Variants in ABCA12 observed in about 807,000 individuals in gnomAD.
The protein encoded by ABCA12 is ATP binding cassette subfamily A member 12.
A neutral mutation model predicts 293.5 loss-of-function variants in ABCA12; 156 were observed. The ratio of observed to expected loss-of-function variants is 0.53; its 90% CI spans 0.47 to 0.61. The LOEUF is 0.61. ABCA12 is among the 20% of genes least tolerant of loss of function. ABCA12 has a pLI of 0.00. For missense variants in ABCA12, 2,797 were observed against 3,090.2 expected (o/e 0.91, Z 2.25); for synonymous variants, 1,063 against 1,108.0 (o/e 0.96, Z 0.81).
chr2:215,047,032 C>G (rs1201969264), intron 6 of ABCA12, among the ~76,000 whole-genome samples: 1 of 152,124 alleles, frequency 6.6e-6, no homozygotes, highest in East Asian at 1.9e-4. Flanking sequence ...AATGAGAACA[C>G]ATGGACACAC....
At chr2:214,935,285 T>G (rs1005900391) in intron 51 of ABCA12, among the ~76,000 whole-genome samples, 1 of 152,142 alleles carries the variant, frequency 6.6e-6, no homozygotes, top group African/African-American at 2.4e-5. Flanking sequence ...AAATCAGACT[T>G]TTTATTATCA....
intron 2 of ABCA12, among the ~76,000 whole-genome samples, chr2:215,074,547 CTG>C (rs1701797788): frequency 6.6e-6 from 1 of 152,156 alleles, no homozygotes. Context: ...GGCCAGAGGT[CTG>C]TGTATTGATA....
chr2:215,073,107 A>G (rs1701768626), intron 2 of ABCA12, among the ~76,000 whole-genome samples: 1 of 152,180 alleles, frequency 6.6e-6, no homozygotes, highest in Non-Finnish European at 1.5e-5. Flanking sequence ...AAAAAAAAGA[A>G]AGAAAGAAAA....
intron 48 of ABCA12, among the ~76,000 whole-genome samples, chr2:214,945,860 T>C (rs1216166322): frequency 6.6e-6 from 1 of 152,170 alleles, no homozygotes; most frequent in Non-Finnish European, 1.5e-5. Context: ...GAATGGGTTA[T>C]GTGGAAGCTA....
intron 41 of ABCA12, among the ~76,000 whole-genome samples, chr2:214,958,058 C>T (rs1381241780): frequency 6.6e-6 from 1 of 152,062 alleles, no homozygotes; most frequent in African/African-American, 2.4e-5. Flanking sequence ...TTTAAGTGCC[C>T]TAGAGAATCT....
intron 10 of ABCA12, 103 bp from the exon 11 acceptor site, chr2:215,025,882 A>T: frequency 1.3e-6 from 1 of 769,648 alleles, no homozygotes; most frequent in Admixed American, 2.1e-5. Context: ...AATTTTTCCT[A>T]AGATAATAGC....
chr2:215,113,981 C>CT (rs1294844835), intron 1 of ABCA12, among the ~76,000 whole-genome samples: 6 of 152,040 alleles, frequency 3.9e-5, no homozygotes, highest in East Asian at 1.9e-4. Context: ...CATAAACTTG[C>CT]TTTTTTTTCT....
intron 44 of ABCA12, among the ~76,000 whole-genome samples, chr2:214,951,632 C>T (rs1202955661): frequency 6.6e-6 from 1 of 152,158 alleles, no homozygotes; most frequent in African/African-American, 2.4e-5. Context: ...TGGTGCACAC[C>T]TGTAGTCCCA....
Position 214,975,803 on chromosome 2 carries a change from T to TTA in ABCA12, c.5362_5363insTA (p.Glu1788ValfsTer32), listed in dbSNP as rs756628038. 100 of 1,614,110 alleles carry TTA rather than the reference T, an allele frequency of 6.2e-5. No individual in the cohort carries two copies. The South Asian group carries it at 1.0e-3, about 17-fold the overall frequency. ...AACTTACGCATAGAAGGCTGTCTGT[T>TTA]CGGAGGTACCATAAAGAGAGGGGGA... is the stretch of plus-strand genomic sequence containing the variant. On this transcript the variant is annotated frameshift_variant, in exon 34 of 53. Transcript: ENST00000272895. LOFTEE classifies it high-confidence loss of function.
At chr2:215,025,628 G>GTTTTTTTTTTTTTTTTTT in intron 11 of ABCA12, 45 bp downstream of exon 11, 1 of 1,203,804 alleles carries the variant, frequency 8.3e-7, no homozygotes, top group Non-Finnish European at 1.2e-6. Flanking sequence ...TTGTCTTTTT[G>GTTTTTTTTTTTTTTTTTT]TTTTTTTTTT....
chr2:215,075,894 T>A (rs1036205422), intron 2 of ABCA12, among the ~76,000 whole-genome samples: 10 of 152,156 alleles, frequency 6.6e-5, no homozygotes, highest in African/African-American at 2.4e-4. Context: ...ATAGACCTCA[T>A]CAAGGCAGAA....
chr2:214,932,818 T>C lies in ABCA12; in HGVS notation c.7681-77A>G, dbSNP rs761850093. ...AAATAAAGTTAATTCATTCTCTCTC[T>C]CTCCCCTTCCTCTCTCCTAGTGCAA... is the stretch of plus-strand genomic sequence containing the variant. On this transcript the variant is annotated intron_variant, in intron 52 of 52. Transcript: ENST00000272895. 2.0e-4 allele frequency: 199 copies of C among 992,136 alleles called. 1 individual carries two copies. The highest frequency in any genetic ancestry group is 2.8e-4 in the Non-Finnish European group (177 of 630,546). The allele number at this position is 992,136 out of a possible 1,614,324, so 61.5% of individuals were successfully genotyped here.
intron 1 of ABCA12, among the ~76,000 whole-genome samples, chr2:215,120,349 CTCATCT>C (rs1443610589): frequency 2.0e-5 from 3 of 152,024 alleles, no homozygotes; most frequent in African/African-American, 7.2e-5. Context: ...ATGCAATATA[CTCATCT>C]AACAATCCTG....
At chr2:214,953,416 C>T (rs923875656) in intron 44 of ABCA12, among the ~76,000 whole-genome samples, 1 of 152,186 alleles carries the variant, frequency 6.6e-6, no homozygotes, top group African/African-American at 2.4e-5. Context: ...TATTTCTTCT[C>T]ATTTATGATG....
At chr2:214,971,393 T>C (rs187647166) in intron 36 of ABCA12, among the ~76,000 whole-genome samples, 7 of 152,290 alleles carry the variant, frequency 4.6e-5, no homozygotes, top group Admixed American at 6.5e-5. Flanking sequence ...ACATGTATTA[T>C]CTGTACTGCC....
chr2:215,078,589 T>C (rs921649279), intron 2 of ABCA12, among the ~76,000 whole-genome samples: 1 of 152,156 alleles, frequency 6.6e-6, no homozygotes, highest in Non-Finnish European at 1.5e-5. Context: ...TCTGTGTGTC[T>C]ACACCCACAA....
At chr2:215,036,867 C>T (rs1338198499) in intron 8 of ABCA12, 86 bp downstream of exon 8, 25 of 1,156,512 alleles carry the variant, frequency 2.2e-5, no homozygotes, top group African/African-American at 4.5e-5. Flanking sequence ...ATCATCTCTA[C>T]ATGATTACTT....
At chr2:215,050,761 G>A (rs935932260) in intron 5 of ABCA12, 97 of 982,116 alleles carry the variant, frequency 9.9e-5, no homozygotes, top group Non-Finnish European at 1.1e-4. Flanking sequence ...TCATTCATCC[G>A]TATCTCTCTT....
intron 1 of ABCA12, among the ~76,000 whole-genome samples, chr2:215,118,795 T>C (rs528975602): frequency 6.6e-6 from 1 of 152,174 alleles, no homozygotes; most frequent in Non-Finnish European, 1.5e-5. Flanking sequence ...TTTGTTGGCC[T>C]CTTGTATGTC....
Sources: gnomAD v4.1 joint callset for allele counts (sites outside exome capture counted in the v4.1 genomes callset) on GRCh38, gnomAD v4.1.1 for gene constraint, MANE v1.5 for transcripts, NCBI Gene and HGNC (gene_info 2026-07-23, HGNC 2026-07-21) for gene names.